CPB1: variants seen among roughly 807,000 people sequenced by gnomAD.
The protein encoded by CPB1 is carboxypeptidase B.
In CPB1, 53 loss-of-function variants were observed where a neutral mutation model predicts 51.4. That is an observed-to-expected ratio of 1.03 (90% CI 0.83 to 1.30). The LOEUF is 1.30. Ranked by LOEUF, CPB1 falls within the 50% of genes most tolerant of loss-of-function variation. CPB1 has a pLI of 0.00. For missense variants in CPB1, 494 were observed against 516.2 expected, an observed-to-expected ratio of 0.96 and a Z score of 0.42; for synonymous variants, 189 against 186.9, an observed-to-expected ratio of 1.01 and a Z score of -0.09.
intron 6 of CPB1, among the ~76,000 whole-genome samples, chr3:148,844,053 G>T (rs1376147975): frequency 6.6e-6 from 1 of 152,098 alleles, no homozygotes; most frequent in East Asian, 1.9e-4. Flanking sequence ...GACATTATTA[G>T]GAACATGCAC....
At chr3:148,829,660 C>G (rs747917954) in intron 2 of CPB1, among the ~76,000 whole-genome samples, 1 of 152,150 alleles carries the variant, frequency 6.6e-6, no homozygotes, top group East Asian at 1.9e-4. Context: ...CTTCCCCTAA[C>G]TTTGTCTCTC....
chr3:148,841,435 T>C (rs1713078725), intron 5 of CPB1, among the ~76,000 whole-genome samples: 1 of 152,048 alleles, frequency 6.6e-6, no homozygotes, highest in Non-Finnish European at 1.5e-5. Flanking sequence ...AGTGAGAGAG[T>C]AGTAAAAATT....
At chr3:148,835,650 A>T (rs529718085) in intron 3 of CPB1, among the ~76,000 whole-genome samples, 1 of 152,322 alleles carries the variant, frequency 6.6e-6, no homozygotes, top group African/African-American at 2.4e-5. Context: ...GTCCTCCTCC[A>T]GGGGGTAGAT....
chr3:148,844,771 A>G lies in CPB1; in HGVS notation c.778+4A>G. On this transcript the variant is annotated splice_donor_region_variant and intron_variant, in intron 8 of 10. Coordinates refer to ENST00000282957, the MANE Select transcript of CPB1 (RefSeq NM_001871.3). ...AATTTTGATGCTGGTTGGTGTGGTAAGTATCTGGCTAGCCATTTTGCATGT... is the reference window on the plus strand; with the variant it reads ...AATTTTGATGCTGGTTGGTGTGGTAGGTATCTGGCTAGCCATTTTGCATGT... 1 of 1,613,246 alleles carries G rather than the reference A, an allele frequency of 6.2e-7. No individual in the cohort carries two copies. Among genetic ancestry groups the G allele is most frequent in the Non-Finnish European group, 8.5e-7 (1 of 1,179,252 alleles).
chr3:148,836,928 C>A (rs1712922170), intron 3 of CPB1, among the ~76,000 whole-genome samples: 1 of 152,154 alleles, frequency 6.6e-6, no homozygotes, highest in Non-Finnish European at 1.5e-5. Flanking sequence ...AATAACTTTT[C>A]AGATTTTTTC....
chr3:148,838,587 A>C (rs1712980916), intron 3 of CPB1, among the ~76,000 whole-genome samples: 1 of 151,964 alleles, frequency 6.6e-6, no homozygotes, highest in Non-Finnish European at 1.5e-5. Context: ...TTCCTGAACT[A>C]TTTTTTAGTT....
intron 10 of CPB1, among the ~76,000 whole-genome samples, chr3:148,857,804 C>A (rs146655686): frequency 6.6e-6 from 1 of 151,904 alleles, no homozygotes; most frequent in African/African-American, 2.4e-5. Context: ...GAGGCTGAAG[C>A]GGGAGAGTCA....
chr3:148,852,379 G>A (rs1713457789), intron 9 of CPB1, among the ~76,000 whole-genome samples: 1 of 152,054 alleles, frequency 6.6e-6, no homozygotes, highest in African/African-American at 2.4e-5. Flanking sequence ...GTGAGTAGAG[G>A]CCAAGGGATG....
intron 2 of CPB1, among the ~76,000 whole-genome samples, chr3:148,833,949 C>T (rs926007991): frequency 2.2e-5 from 3 of 136,702 alleles, no homozygotes; most frequent in Non-Finnish European, 5.1e-5. Flanking sequence ...TGTCTCCAGC[C>T]ACAGTGTCAA....
chr3:148,840,575 T>C, intron 3 of CPB1, 111 bp from the exon 4 acceptor site: 1 of 840,746 alleles, frequency 1.2e-6, no homozygotes, highest in Non-Finnish European at 2.0e-6. Context: ...TGAGAATTTA[T>C]GGAGAGTGCA....
At chr3:148,839,919 G>A (rs543146979) in intron 3 of CPB1, among the ~76,000 whole-genome samples, 7 of 151,682 alleles carry the variant, frequency 4.6e-5, no homozygotes, top group African/African-American at 1.7e-4. Flanking sequence ...AGTAGAAAGG[G>A]AAGTGAAGTC....
intron 3 of CPB1, among the ~76,000 whole-genome samples, chr3:148,834,971 C>G (rs1712855631): frequency 6.6e-6 from 1 of 152,194 alleles, no homozygotes; most frequent in Non-Finnish European, 1.5e-5. Flanking sequence ...CTTATCAGCT[C>G]TTCTTTCCAG....
chr3:148,828,592 T>A (rs1712641069), intron 2 of CPB1, among the ~76,000 whole-genome samples: 1 of 152,210 alleles, frequency 6.6e-6, no homozygotes, highest in African/African-American at 2.4e-5. Context: ...GTGATTTTCA[T>A]ACTTTTCTTT....
intron 7 of CPB1, 25 bp from the exon 8 acceptor site, chr3:148,844,651 GT>G (rs1559959431): frequency 6.2e-7 from 1 of 1,613,030 alleles, no homozygotes; most frequent in Non-Finnish European, 8.5e-7. Flanking sequence ...TATTATATTT[GT>G]CCTAACTATG....
At chr3:148,857,258 G>T in intron 9 of CPB1, 199 bp from the exon 10 acceptor site, 1 of 498,980 alleles carries the variant, frequency 2.0e-6, no homozygotes, top group Non-Finnish European at 3.6e-6. Flanking sequence ...GAGGGTATTA[G>T]GGAAGACATT....
At chr3:148,828,876 G>A (rs1011518405) in intron 2 of CPB1, among the ~76,000 whole-genome samples, 3 of 152,152 alleles carry the variant, frequency 2.0e-5, no homozygotes, top group African/African-American at 4.8e-5. Flanking sequence ...GGTGGAGAGT[G>A]TCATAATCAC....
At chr3:148,841,024 A>G in intron 5 of CPB1, 49 bp downstream of exon 5, 1 of 1,434,592 alleles carries the variant, frequency 7.0e-7, no homozygotes, top group Non-Finnish European at 9.8e-7. Context: ...CTTTAAATCA[A>G]TGAATTCTAA....
intron 2 of CPB1, among the ~76,000 whole-genome samples, chr3:148,830,202 G>T (rs531886491): frequency 6.6e-6 from 1 of 152,126 alleles, no homozygotes; most frequent in Non-Finnish European, 1.5e-5. Flanking sequence ...ACCTGTTTTC[G>T]TGTTTATAAA....
intron 10 of CPB1, 185 bp downstream of exon 10, chr3:148,857,726 G>A (rs1713624044): frequency 4.2e-6 from 2 of 480,714 alleles, no homozygotes; most frequent in East Asian, 3.3e-5. Flanking sequence ...GGACAACATA[G>A]CAAACTTTTC....
Sources: gnomAD v4.1 joint callset for allele counts (sites outside exome capture counted in the v4.1 genomes callset) on GRCh38, gnomAD v4.1.1 for gene constraint, MANE v1.5 for transcripts, NCBI Gene and HGNC (gene_info 2026-07-23, HGNC 2026-07-21) for gene names.